Variants in DPYSL5 observed in about 807,000 individuals in gnomAD.
DPYSL5 encodes the protein dihydropyrimidinase-related protein 5.
In DPYSL5, 9 loss-of-function variants were observed where a neutral mutation model predicts 58.4. The observed-to-expected ratio is 0.15, with a 90% CI of 0.09 to 0.27. DPYSL5 has a LOEUF of 0.27. Ranked by LOEUF, DPYSL5 falls within the 10% of genes least tolerant of loss-of-function variation. The pLI is 1.00. For synonymous variants in DPYSL5, 293 were observed against 301.9 expected, an observed-to-expected ratio of 0.97 and a Z score of 0.31; for missense variants, 499 against 770.6, an observed-to-expected ratio of 0.65 and a Z score of 4.17.
intron 6 of DPYSL5, among the ~76,000 whole-genome samples, chr2:26,932,110 A>AG (rs1665018417): frequency 3.4e-5 from 5 of 145,654 alleles, no homozygotes; most frequent in Admixed American, 1.4e-4. Context: ...AAAGAAAGAA[A>AG]AGAAAAAAGA....
At position 26,947,282 on chromosome 2, in the gene DPYSL5, T is replaced by C. The variant is rs1665514509; in HGVS notation, c.*287T>C. Reference sequence around the variant, plus strand: ...CACACTATGCACAGAGCCCAATGCATAGAGCCCTGGCCAGCCCTTCCTCTC... The same window carrying C: ...CACACTATGCACAGAGCCCAATGCACAGAGCCCTGGCCAGCCCTTCCTCTC... On this transcript the variant is annotated 3_prime_UTR_variant, in exon 13 of 13. Transcript: ENST00000288699. The surrounding 1 kb of genome is among the most constrained non-coding windows in gnomAD (Gnocchi z 4.2). 4 of 336,198 alleles carry C rather than the reference T, an allele frequency of 1.2e-5. No homozygotes were observed. In the South Asian group the frequency reaches 1.9e-4, roughly 16 times the overall value. The allele number at this position is 336,198 out of a possible 1,614,324, so 20.8% of individuals were successfully genotyped here. A position where few individuals can be genotyped will look rare whatever the true frequency, so the allele number is the denominator to read the frequency against.
chr2:26,921,370 C>T (rs997053324), intron 2 of DPYSL5, among the ~76,000 whole-genome samples: 1 of 152,162 alleles, frequency 6.6e-6, no homozygotes, highest in African/African-American at 2.4e-5. Flanking sequence ...CATTAAAGAT[C>T]TTCTGCAGCG....
chr2:26,884,291 C>A (rs1471846947), intron 1 of DPYSL5, among the ~76,000 whole-genome samples: 1 of 152,166 alleles, frequency 6.6e-6, no homozygotes, highest in Non-Finnish European at 1.5e-5. Context: ...TGTCCTTCTT[C>A]CAGGACCTGC....
intron 2 of DPYSL5, among the ~76,000 whole-genome samples, chr2:26,919,996 A>G (rs995125129): frequency 1.3e-5 from 2 of 152,254 alleles, no homozygotes; most frequent in Admixed American, 1.3e-4. Context: ...GAATATAGAC[A>G]GTATGATAGA....
At chr2:26,910,528 CTCACACCTT>C (rs1664407202) in intron 2 of DPYSL5, among the ~76,000 whole-genome samples, 2 of 151,778 alleles carry the variant, frequency 1.3e-5, no homozygotes, top group South Asian at 4.1e-4. Flanking sequence ...GAAGTGTCTG[CTCACACCTT>C]TTACCCATGT....
chr2:26,869,001 C>A lies in DPYSL5; in HGVS notation c.-5+20747C>A, dbSNP rs762595941. Among the ~76,000 whole-genome samples, 3 of 152,220 alleles carry A rather than the reference C, an allele frequency of 2.0e-5. 1 individual carries two copies. Among genetic ancestry groups the A allele is most frequent in the Admixed American group, 2.0e-4 (3 of 15,270 alleles). On this transcript the variant is annotated intron_variant, in intron 1 of 12. Transcript: ENST00000288699. ...GTTTTTTGAGACAGGGTCTTGCTGT[C>A]TTGCCCAGGCCGAAGTGTAGTAGCG...
chr2:26,919,666 G>A (rs1174575914), intron 2 of DPYSL5, among the ~76,000 whole-genome samples: 1 of 152,014 alleles, frequency 6.6e-6, no homozygotes, highest in South Asian at 2.1e-4. Context: ...TGATAAATGG[G>A]CACTTTTGGT....
intron 1 of DPYSL5, among the ~76,000 whole-genome samples, chr2:26,880,045 C>T (rs555225348): frequency 1.3e-5 from 2 of 152,174 alleles, no homozygotes; most frequent in South Asian, 4.1e-4. Flanking sequence ...CACGCACCAC[C>T]ACACCCAGCT....
chr2:26,890,377 A>G (rs1258572726), intron 1 of DPYSL5, among the ~76,000 whole-genome samples: 5 of 152,244 alleles, frequency 3.3e-5, no homozygotes, highest in Admixed American at 2.0e-4. Flanking sequence ...AAAATTTAAA[A>G]AAGATATTCT....
At chr2:26,906,725 C>T (rs933842449) in intron 2 of DPYSL5, among the ~76,000 whole-genome samples, 4 of 152,152 alleles carry the variant, frequency 2.6e-5, no homozygotes, top group African/African-American at 9.7e-5. Context: ...AGTACATCTC[C>T]ACTCCACCTA....
chr2:26,921,085 C>T lies in DPYSL5; in HGVS notation c.262-3802C>T, dbSNP rs192668774. Among the ~76,000 whole-genome samples the T allele has an allele frequency of 3.3e-5, 5 of 152,302 alleles. No homozygotes were observed. The East Asian group carries it at 5.8e-4, about 18-fold the overall frequency. ...CAGAAGCATGAAAGGACACCAACCA[C>T]GAGCAACACACTATACTATGGCTGT... On this transcript the variant is annotated intron_variant, in intron 2 of 12. Transcript: ENST00000288699.
rs1331083059 is a variant in DPYSL5, at chr2:26,932,188, AAAGAAAGAAAGAAAG to A, written c.714+507_714+521del. ...GAAAGAAAGAAAGAAAGAAAGAAAGAAAGAAAGAAAGAAAGAAAGAAAAGAAAGAAAGAAAGAAAG... is the reference window on the plus strand; with the variant it reads ...GAAAGAAAGAAAGAAAGAAAGAAAGAAAAGAAAAGAAAGAAAGAAAGAAAG... On this transcript the variant is annotated intron_variant, in intron 6 of 12. Transcript: ENST00000288699. Among the ~76,000 whole-genome samples, 8 of 80,374 alleles carry A rather than the reference AAAGAAAGAAAGAAAG, an allele frequency of 1.0e-4. 1 individual carries two copies. Among genetic ancestry groups the A allele is most frequent in the South Asian group, 4.8e-4 (1 of 2,102 alleles). The allele number at this position is 80,374 out of a possible 152,430, so 52.7% of individuals were successfully genotyped here. A position where few individuals can be genotyped will look rare whatever the true frequency, so the allele number is the denominator to read the frequency against.
At chr2:26,879,635 G>A (rs567152392) in intron 1 of DPYSL5, among the ~76,000 whole-genome samples, 43 of 152,160 alleles carry the variant, frequency 2.8e-4, no homozygotes, top group Non-Finnish European at 5.3e-4. Context: ...ATTTCCGTGT[G>A]TGACGAGCTC....
chr2:26,930,486 T>C (rs1664942633), intron 5 of DPYSL5, among the ~76,000 whole-genome samples: 1 of 152,138 alleles, frequency 6.6e-6, no homozygotes, highest in Non-Finnish European at 1.5e-5. Flanking sequence ...AAGCCAGTGA[T>C]ACTGCTAAAC....
rs1370738910 is a variant in DPYSL5, at chr2:26,873,341, C to T, written c.-5+25087C>T. Among the ~76,000 whole-genome samples the T allele has an allele frequency of 2.0e-5, 3 of 152,096 alleles. 1 individual carries two copies. The highest frequency in any genetic ancestry group is 2.0e-4 in the Admixed American group (3 of 15,262). On this transcript the variant is annotated intron_variant, in intron 1 of 12. Transcript: ENST00000288699. Reference sequence around the variant, plus strand: ...TTTCTAGTCAATCCCCCTTCCTCTCCACCACCACCTCCGCTCGTGCTCCCC... The same window carrying T: ...TTTCTAGTCAATCCCCCTTCCTCTCTACCACCACCTCCGCTCGTGCTCCCC...
chr2:26,875,583 A>G (rs1007063346), intron 1 of DPYSL5, among the ~76,000 whole-genome samples: 7 of 152,146 alleles, frequency 4.6e-5, no homozygotes, highest in African/African-American at 1.7e-4. Context: ...TCAGCAACAG[A>G]GGAGTTGGAG....
At chr2:26,858,129 A>G (rs1572669927) in intron 1 of DPYSL5, among the ~76,000 whole-genome samples, 1 of 147,232 alleles carries the variant, frequency 6.8e-6, no homozygotes, top group African/African-American at 2.5e-5. Flanking sequence ...CATGTTTGGT[A>G]TTTGTCTTTA....
rs950810438 is a variant in DPYSL5 at position 26,877,938 on chromosome 2, G to C, written c.-4-20558G>C. Among the ~76,000 whole-genome samples the C allele has an allele frequency of 2.0e-5, 3 of 152,160 alleles. No individual in the cohort carries two copies. Among genetic ancestry groups the C allele is most frequent in the Admixed American group, 6.5e-5 (1 of 15,282 alleles). On this transcript the variant is annotated intron_variant, in intron 1 of 12. Coordinates refer to ENST00000288699, the MANE Select transcript of DPYSL5 (RefSeq NM_020134.4). The surrounding 1 kb of genome is among the most constrained non-coding windows in gnomAD (Gnocchi z 4.1). ...TATTTAAACAGTCCTCCTATTGTCA[G>C]ACTTTAAGCTGGATCTCAAAATATT...
intron 2 of DPYSL5, among the ~76,000 whole-genome samples, chr2:26,899,474 A>G (rs896202819): frequency 6.6e-6 from 1 of 152,114 alleles, no homozygotes; most frequent in Non-Finnish European, 1.5e-5. Flanking sequence ...GTGATTTTCT[A>G]TCTCATGCTG....
Sources: allele counts gnomAD v4.1 joint callset (sites outside exome capture counted in the v4.1 genomes callset), GRCh38; gene constraint gnomAD v4.1.1; non-coding constraint Gnocchi (gnomAD v3.1); transcripts MANE v1.5; gene names NCBI Gene and HGNC (gene_info 2026-07-23, HGNC 2026-07-21).